FNDC3B: variants seen among roughly 807,000 people sequenced by gnomAD.
FNDC3B encodes the protein fibronectin type III domain-containing protein 3B.
A neutral mutation model predicts 151.5 loss-of-function variants in FNDC3B; 12 were observed. The ratio of observed to expected loss-of-function variants is 0.08; its 90% CI spans 0.05 to 0.13. The LOEUF (loss-of-function observed/expected upper bound fraction) is 0.13. Among genes scored for constraint, FNDC3B ranks in the 10% least tolerant of loss-of-function variants. The pLI, the probability that FNDC3B is intolerant of heterozygous loss-of-function variation, is 1.00. For synonymous variants in FNDC3B, 528 were observed against 549.0 expected, an observed-to-expected ratio of 0.96 and a Z score of 0.54; for missense variants, 1,214 against 1,505.3, an observed-to-expected ratio of 0.81 and a Z score of 3.20.
chr3:172,288,799 C>G (rs1165723968), intron 7 of FNDC3B, among the ~76,000 whole-genome samples: 26 of 152,178 alleles, frequency 1.7e-4, no homozygotes, highest in Non-Finnish European at 8.8e-5. Context: ...CGTCTCTGGA[C>G]ACAGTTGCTT....
At chr3:172,064,675 A>G (rs568326420) in intron 1 of FNDC3B, among the ~76,000 whole-genome samples, 41 of 152,362 alleles carry the variant, frequency 2.7e-4, no homozygotes, top group Admixed American at 1.4e-3. Flanking sequence ...TTTCTGCTCA[A>G]TATGCTCCAG....
intron 1 of FNDC3B, among the ~76,000 whole-genome samples, chr3:172,043,931 C>T (rs1259945213): frequency 6.6e-6 from 1 of 152,136 alleles, no homozygotes; most frequent in African/African-American, 2.4e-5. Context: ...AAAAACGATC[C>T]TCTCATACCC....
In FNDC3B at chr3:172,124,133, C is replaced by T. The variant is rs541238497; in HGVS notation, c.112-9338C>T. Among the ~76,000 whole-genome samples the T allele has an allele frequency of 4.6e-5, 7 of 152,264 alleles. No individual in the cohort carries two copies. The East Asian group carries it at 1.4e-3, about 29-fold the overall frequency. On this transcript the variant is annotated intron_variant, in intron 2 of 25. Coordinates refer to ENST00000415807, the MANE Select transcript of FNDC3B (RefSeq NM_022763.4). Reference sequence around the variant, plus strand: ...CTAGATGAAGTCTTGCTCTGTCGCCCAGGCTGGAGTGCAATGGCGCGATCT... The same window carrying T: ...CTAGATGAAGTCTTGCTCTGTCGCCTAGGCTGGAGTGCAATGGCGCGATCT...
intron 1 of FNDC3B, among the ~76,000 whole-genome samples, chr3:172,090,471 C>T (rs1357162192): frequency 6.6e-6 from 1 of 152,124 alleles, no homozygotes; most frequent in African/African-American, 2.4e-5. Flanking sequence ...TGGAGAAGGA[C>T]TTGTGCTTAG....
intron 2 of FNDC3B, among the ~76,000 whole-genome samples, chr3:172,131,426 C>CAA (rs1168540595): frequency 6.6e-6 from 1 of 151,500 alleles, no homozygotes; most frequent in Non-Finnish European, 1.5e-5. Flanking sequence ...ATATTTTAAT[C>CAA]ATTCTAGAGA....
intron 1 of FNDC3B, among the ~76,000 whole-genome samples, chr3:172,064,026 C>G (rs1717359484): frequency 1.3e-5 from 2 of 152,058 alleles, no homozygotes; most frequent in Non-Finnish European, 2.9e-5. Context: ...ATCTATAGTT[C>G]CAGCTATATG....
At chr3:172,122,456 C>T (rs986242082) in intron 2 of FNDC3B, among the ~76,000 whole-genome samples, 7 of 152,256 alleles carry the variant, frequency 4.6e-5, no homozygotes, top group African/African-American at 1.7e-4. Flanking sequence ...GCCTCTTAGT[C>T]ATTTTCTGGT....
intron 1 of FNDC3B, among the ~76,000 whole-genome samples, chr3:172,089,177 T>G (rs1439524762): frequency 6.6e-6 from 1 of 152,230 alleles, no homozygotes; most frequent in African/African-American, 2.4e-5. Flanking sequence ...TTATTTAATT[T>G]GCAAAGTAAA....
chr3:172,186,380 A>G (rs1560007787), intron 3 of FNDC3B, among the ~76,000 whole-genome samples: 2 of 152,234 alleles, frequency 1.3e-5, no homozygotes, highest in Non-Finnish European at 2.9e-5. Context: ...AGCATCGGAA[A>G]TACTTGCTTT....
chr3:172,072,946 T>G (rs1445842278), intron 1 of FNDC3B, among the ~76,000 whole-genome samples: 5 of 152,172 alleles, frequency 3.3e-5, no homozygotes, highest in Admixed American at 2.0e-4. Flanking sequence ...ATTTTAATTT[T>G]TTCTTTGTGT....
intron 3 of FNDC3B, among the ~76,000 whole-genome samples, chr3:172,178,119 A>G (rs1723703962): frequency 6.6e-6 from 1 of 152,122 alleles, no homozygotes; most frequent in African/African-American, 2.4e-5. Context: ...CTGGTTGTGG[A>G]AGGAGCAGAA....
intron 22 of FNDC3B, among the ~76,000 whole-genome samples, chr3:172,359,961 A>G (rs1278444017): frequency 6.6e-6 from 1 of 152,170 alleles, no homozygotes; most frequent in Non-Finnish European, 1.5e-5. Flanking sequence ...TGCTGTAAAC[A>G]TTTGTGTGCA....
chr3:172,139,150 G>A (rs1250987526), intron 3 of FNDC3B, among the ~76,000 whole-genome samples: 1 of 151,366 alleles, frequency 6.6e-6, no homozygotes, highest in East Asian at 1.9e-4. Context: ...TTTTCCTTAT[G>A]TGATACTTTT....
chr3:172,340,695 G>A (rs1210071109), intron 16 of FNDC3B, among the ~76,000 whole-genome samples: 2 of 152,144 alleles, frequency 1.3e-5, no homozygotes, highest in Non-Finnish European at 2.9e-5. Flanking sequence ...AAATTCTTGC[G>A]TACCACCCCA....
intron 21 of FNDC3B, 48 bp downstream of exon 21, chr3:172,347,409 G>A: frequency 1.4e-6 from 2 of 1,471,458 alleles, no homozygotes; most frequent in Non-Finnish European, 1.8e-6. Context: ...GCTGTCCCAT[G>A]AAAGGCACTT....
intron 1 of FNDC3B, among the ~76,000 whole-genome samples, chr3:172,068,721 G>A (rs916009061): frequency 2.0e-5 from 3 of 152,160 alleles, no homozygotes; most frequent in East Asian, 1.9e-4. Flanking sequence ...CACCGTGCCC[G>A]GCCAGAGGAG....
chr3:172,315,411 G>C (rs768361287), intron 11 of FNDC3B, among the ~76,000 whole-genome samples: 29 of 152,170 alleles, frequency 1.9e-4, no homozygotes, highest in Non-Finnish European at 2.2e-4. Flanking sequence ...GGTGTCATTG[G>C]CTTTTCAGCT....
intron 23 of FNDC3B, among the ~76,000 whole-genome samples, chr3:172,377,892 AACTTCATTGCCTAGT>A (rs1262993880): frequency 4.6e-5 from 7 of 152,214 alleles, no homozygotes; most frequent in African/African-American, 1.7e-4. Context: ...TGTTAACATT[AACTTCATTGCCTAGT>A]ACATAGTAGA....
chr3:172,274,866 A>G (rs1729360564), intron 6 of FNDC3B, among the ~76,000 whole-genome samples: 1 of 152,186 alleles, frequency 6.6e-6, no homozygotes, highest in African/African-American at 2.4e-5. Flanking sequence ...GTCATATTAA[A>G]TTAGGGCCCA....
Sources: allele counts gnomAD v4.1 joint callset (sites outside exome capture counted in the v4.1 genomes callset), GRCh38; gene constraint gnomAD v4.1.1; transcripts MANE v1.5; gene names NCBI Gene and HGNC (gene_info 2026-07-23, HGNC 2026-07-21).